The following MYLK4 variants were observed in gnomAD, a reference collection of about 807,000 sequenced individuals.
The protein encoded by MYLK4 is caMLCK like.
A neutral mutation model predicts 48.1 loss-of-function variants in MYLK4; 46 were observed. The observed-to-expected ratio is 0.96, with a 90% CI of 0.75 to 1.22. MYLK4 has a LOEUF of 1.22. Ranked by LOEUF, MYLK4 falls within the 50% of genes most tolerant of loss-of-function variation. The pLI, the probability that MYLK4 is intolerant of heterozygous loss-of-function variation, is 0.00. For synonymous variants in MYLK4, 170 were observed against 180.8 expected (o/e 0.94, Z 0.48); for missense variants, 451 against 486.1 (o/e 0.93, Z 0.68).
intron 2 of MYLK4, among the ~76,000 whole-genome samples, chr6:2,720,132 C>T (rs4959209): frequency 0.85 from 129,720 of 151,952 alleles, 55,406 homozygotes; most frequent in Middle Eastern, 0.89. Context: ...AGGCTGGGCG[C>T]GGTGGCTCAC....
chr6:2,722,035 A>G (rs1763086752), intron 2 of MYLK4, among the ~76,000 whole-genome samples: 1 of 152,254 alleles, frequency 6.6e-6, no homozygotes, highest in Non-Finnish European at 1.5e-5. Context: ...CGCAAAAGAT[A>G]TCTAACAGAG....
chr6:2,721,075 C>T (rs1037382926), intron 2 of MYLK4, among the ~76,000 whole-genome samples: 2 of 152,066 alleles, frequency 1.3e-5, no homozygotes, highest in African/African-American at 2.4e-5. Flanking sequence ...GCAGGAGAAT[C>T]GCTTGAACTT....
At chr6:2,715,004 C>T (rs1385670681) in intron 2 of MYLK4, among the ~76,000 whole-genome samples, 5 of 152,084 alleles carry the variant, frequency 3.3e-5, no homozygotes, top group African/African-American at 1.2e-4. Flanking sequence ...GTGGCTCACT[C>T]CTATAATCCC....
the MYLK4 span, among the ~76,000 whole-genome samples, chr6:2,759,260 G>A: frequency 2.6e-5 from 4 of 151,960 alleles, no homozygotes; most frequent in African/African-American, 9.7e-5. Context: ...ACAATACCAC[G>A]CCAAGCTAAT....
intron 2 of MYLK4, among the ~76,000 whole-genome samples, chr6:2,711,471 C>T (rs955589100): frequency 5.3e-5 from 8 of 152,194 alleles, no homozygotes; most frequent in African/African-American, 1.9e-4. Flanking sequence ...CCAATTACTT[C>T]AGAATCTCCT....
At position 2,749,300 on chromosome 6, in the gene MYLK4, T is replaced by C. The variant is rs1296990614; in HGVS notation, c.-6A>G. The C allele has an allele frequency of 2.5e-6, 4 of 1,611,076 alleles. No homozygotes were observed. The highest frequency in any genetic ancestry group is 3.4e-5 in the Admixed American group (2 of 59,580). On this transcript the variant is annotated 5_prime_UTR_variant, in exon 2 of 13. Transcript: ENST00000274643. ...AGCCTCTTCACTTTTAACATCTTAG[T>C]AGTGAGTCCGATTAAGCTACTTTCT... is the stretch of plus-strand genomic sequence containing the variant.
At chr6:2,733,530 A>C (rs937121261) in intron 2 of MYLK4, among the ~76,000 whole-genome samples, 1 of 152,216 alleles carries the variant, frequency 6.6e-6, no homozygotes, top group African/African-American at 2.4e-5. Flanking sequence ...CCTCACTCAC[A>C]GAGAAGGAAG....
intron 2 of MYLK4, among the ~76,000 whole-genome samples, chr6:2,714,541 G>A (rs1762798100): frequency 6.6e-6 from 1 of 152,200 alleles, no homozygotes; most frequent in Non-Finnish European, 1.5e-5. Flanking sequence ...CCTGGGCATA[G>A]CCCCAATTTG....
At chr6:2,695,461 T>C (rs1462626355) in intron 2 of MYLK4, among the ~76,000 whole-genome samples, 1 of 152,350 alleles carries the variant, frequency 6.6e-6, no homozygotes, top group South Asian at 2.1e-4. Context: ...CAATATTCTT[T>C]GGGTTCGGAG....
the MYLK4 span, chr6:2,766,583 TGG>T: frequency 7.3e-7 from 1 of 1,372,482 alleles, no homozygotes; most frequent in Non-Finnish European, 9.5e-7. Flanking sequence ...TGGGCTGGGC[TGG>T]GGCAGTGCCT....
At chr6:2,762,669 C>T in the MYLK4 span, among the ~76,000 whole-genome samples, 1 of 152,218 alleles carries the variant, frequency 6.6e-6, no homozygotes, top group Admixed American at 6.5e-5. Context: ...TGAGTTTTTA[C>T]TCTCATTAAC....
intron 2 of MYLK4, among the ~76,000 whole-genome samples, chr6:2,732,391 G>A (rs1763508543): frequency 6.6e-6 from 1 of 152,108 alleles, no homozygotes; most frequent in Admixed American, 6.5e-5. Flanking sequence ...TCATCGTGAT[G>A]GGCACTGGAA....
chr6:2,768,177 C>T, the MYLK4 span, among the ~76,000 whole-genome samples: 2 of 152,190 alleles, frequency 1.3e-5, no homozygotes, highest in Non-Finnish European at 2.9e-5. Context: ...GGCCTACAGT[C>T]ATCTCAAATG....
chr6:2,688,514 C>A (rs1761646609), intron 4 of MYLK4, among the ~76,000 whole-genome samples: 1 of 152,148 alleles, frequency 6.6e-6, no homozygotes. Flanking sequence ...CTAATACAGG[C>A]CACAAAAACT....
chr6:2,732,534 C>A (rs1258717705), intron 2 of MYLK4, among the ~76,000 whole-genome samples: 1 of 152,068 alleles, frequency 6.6e-6, no homozygotes, highest in Non-Finnish European at 1.5e-5. Flanking sequence ...GAAGCTTCCA[C>A]CTGGGTCTAC....
At position 2,685,985 on chromosome 6, in the gene MYLK4, G is replaced by A. The variant is rs922616501; in HGVS notation, c.342-409C>T. Among the ~76,000 whole-genome samples, 3 of 151,358 alleles carry A rather than the reference G, an allele frequency of 2.0e-5. No homozygotes were observed. Among genetic ancestry groups the A allele is most frequent in the Non-Finnish European group, 4.4e-5 (3 of 67,908 alleles). On this transcript the variant is annotated intron_variant, in intron 4 of 12. Coordinates refer to ENST00000274643, the MANE Select transcript of MYLK4 (RefSeq NM_001012418.5). This position sits in a 1 kb window ranked among gnomAD's most constrained non-coding sequence, Gnocchi z 4.5. ...CGGGAGGCTGAGGCAGGAGAACGGC[G>A]TGAACCCAGGAGGCGGAGGTTGCAG...
chr6:2,697,070 A>G (rs1049502791), intron 2 of MYLK4, among the ~76,000 whole-genome samples: 5 of 152,246 alleles, frequency 3.3e-5, no homozygotes, highest in Admixed American at 1.3e-4. Flanking sequence ...AAAATAAAAT[A>G]AAATGAAATA....
chr6:2,694,535 A>C (rs200933301), intron 2 of MYLK4, among the ~76,000 whole-genome samples: 1 of 3,432 alleles, frequency 2.9e-4, no homozygotes. Context: ...TGGTGGTAGT[A>C]GTGTTGGTTG....
At chr6:2,683,419 G>C (rs1239113797) in intron 6 of MYLK4, among the ~76,000 whole-genome samples, 1 of 143,102 alleles carries the variant, frequency 7.0e-6, no homozygotes, top group Non-Finnish European at 1.5e-5. Context: ...GTGTGTGTGT[G>C]TGTGTGTGTG....
Sources: gnomAD v4.1 joint callset for allele counts (sites outside exome capture counted in the v4.1 genomes callset) on GRCh38, gnomAD v4.1.1 for gene constraint, Gnocchi (gnomAD v3.1) non-coding constraint, MANE v1.5 for transcripts, NCBI Gene and HGNC (gene_info 2026-07-23, HGNC 2026-07-21) for gene names.